Variants in GGNBP2 observed in about 807,000 individuals in gnomAD.
GGNBP2 encodes the protein gametogenetin-binding protein 2.
GGNBP2 carries 10 observed loss-of-function variants against 85.9 expected under a neutral mutation model. The ratio of observed to expected loss-of-function variants is 0.12; its 90% CI spans 0.07 to 0.20. The LOEUF is 0.20. Among genes scored for constraint, GGNBP2 ranks in the 10% least tolerant of loss-of-function variants. The probability of loss-of-function intolerance (pLI) is 1.00; values close to 1 mark genes in which losing one functional copy is unlikely to be tolerated. For synonymous variants in GGNBP2, 287 were observed against 285.7 expected, an observed-to-expected ratio of 1.00 and a Z score of -0.05; for missense variants, 595 against 857.8, an observed-to-expected ratio of 0.69 and a Z score of 3.83.
chr17:36,553,983 A>G (rs1189294056), intron 2 of GGNBP2, among the ~76,000 whole-genome samples: 9 of 152,158 alleles, frequency 5.9e-5, no homozygotes, highest in Admixed American at 1.3e-4. Flanking sequence ...AAGTATATCA[A>G]TGTGCCCTTT....
chr17:36,549,005 A>G (rs1057460478), intron 2 of GGNBP2, among the ~76,000 whole-genome samples: 3 of 152,154 alleles, frequency 2.0e-5, no homozygotes, highest in Non-Finnish European at 2.9e-5. Context: ...GAAGATTCCC[A>G]TGGTAGTTCA....
chr17:36,581,649 G>T lies in GGNBP2; in HGVS notation c.1215+111G>T, dbSNP rs78154293. On this transcript the variant is annotated intron_variant, in intron 9 of 13. Coordinates refer to ENST00000613102, the MANE Select transcript of GGNBP2 (RefSeq NM_024835.5). ...GATCCCAGCACTTTGGGAGGCCCAG[G>T]GTGGAGGTATCACTTGAGCCTAGGA... The T allele has an allele frequency of 1.2e-3, 838 of 677,948 alleles. 10 individuals carry two copies. In the African/African-American group the frequency reaches 0.014, roughly 11 times the overall value. 42.0% of individuals were successfully genotyped at this position (677,948 alleles called of 1,614,324 possible).
intron 6 of GGNBP2, among the ~76,000 whole-genome samples, chr17:36,575,648 A>ATATATATATATATATATT (rs374366757): frequency 3.6e-5 from 2 of 54,910 alleles, no homozygotes; most frequent in Non-Finnish European, 2.9e-5. Flanking sequence ...ATATATATAT[A>ATATATATATATATATATT]TTTTTTTTTT....
At chr17:36,573,371 C>G (rs2074545753) in intron 6 of GGNBP2, among the ~76,000 whole-genome samples, 1 of 152,102 alleles carries the variant, frequency 6.6e-6, no homozygotes, top group African/African-American at 2.4e-5. Flanking sequence ...CCTCGGTCTC[C>G]CAAAGTGCTG....
At chr17:36,552,613 T>G (rs1196262727) in intron 2 of GGNBP2, among the ~76,000 whole-genome samples, 3 of 152,200 alleles carry the variant, frequency 2.0e-5, no homozygotes, top group African/African-American at 7.2e-5. Context: ...TTAATAAGAC[T>G]GAGAAGGAAA....
chr17:36,586,938 AG>A, intron 12 of GGNBP2, 58 bp from the exon 13 acceptor site: 1 of 1,430,820 alleles, frequency 7.0e-7, no homozygotes, highest in Non-Finnish European at 9.4e-7. Flanking sequence ...TTTTTTTTAA[AG>A]AATAATTGCT....
At position 36,545,373 on chromosome 17, in the gene GGNBP2, G is replaced by T. The variant is rs1394379818; in HGVS notation, c.-106-246G>T. ...AGCCCCCGGCAGGCCGGTCCCTTCC[G>T]CCTCTCCTTTGGACCCTGACTGGAG... On this transcript the variant is annotated intron_variant, in intron 1 of 13. Transcript: ENST00000613102. 2.1e-5 allele frequency: 5 copies of T among 235,124 alleles called. No homozygotes were observed. In the Admixed American group the frequency reaches 3.9e-4, roughly 18 times the overall value. The allele number at this position is 235,124 out of a possible 1,614,324, so 14.6% of individuals were successfully genotyped here.
At chr17:36,577,265 A>T (rs1448104467) in intron 6 of GGNBP2, 1 of 152,062 alleles carries the variant, frequency 6.6e-6, no homozygotes, top group East Asian at 1.9e-4. Context: ...TCTAAAAGAA[A>T]TTTTCTTCCT....
In GGNBP2 at chr17:36,587,034, A is replaced by G; in HGVS notation, c.1679A>G (p.Asn560Ser). ...KLGSCITDPG[N>S]RETSGNTMHT... is the part of the protein sequence containing the mutation. Reference sequence around the variant, plus strand: ...GGAAGCTGTATTACAGATCCAGGTAATCGAGAGACCTCAGGAAATACCATG... The same window carrying G: ...GGAAGCTGTATTACAGATCCAGGTAGTCGAGAGACCTCAGGAAATACCATG... Residue 560 changes from asparagine (N) to serine (S), a missense_variant, in exon 13 of 14, where the codon AAT becomes AGT. Physicochemically the swap from Asn to Ser is conservative, Grantham distance 46. This residue lies in a region of GGNBP2 where 120 missense variants were observed against 126.3 expected (regional missense o/e 0.95). Transcript: ENST00000613102. The G allele has an allele frequency of 4.3e-6, 7 of 1,613,780 alleles. No individual in the cohort carries two copies. Among genetic ancestry groups the G allele is most frequent in the South Asian group, 3.3e-5 (3 of 91,072 alleles).
intron 5 of GGNBP2, among the ~76,000 whole-genome samples, chr17:36,563,262 G>C (rs1394525757): frequency 6.6e-6 from 1 of 151,884 alleles, no homozygotes. Flanking sequence ...GTGAGACTTT[G>C]TCTCGAAATA....
chr17:36,581,573 T>C (rs2074650489), intron 9 of GGNBP2, 35 bp downstream of exon 9: 1 of 1,483,966 alleles, frequency 6.7e-7, no homozygotes, highest in Non-Finnish European at 9.3e-7. Context: ...TAAGTGTGTA[T>C]GTATTGCTTG....
chr17:36,557,109 T>C lies in GGNBP2; in HGVS notation c.201T>C (p.Asp67=). The C allele has an allele frequency of 6.2e-7, 1 of 1,614,122 alleles. No individual in the cohort carries two copies. ...IQRHGMLKQQ[D]LSIAMVVTSR... ...GACATGGTATGCTTAAGCAACAGGATCTAAGTATTGCCATGGTGGTGACAT... is the reference window on the plus strand; with the variant it reads ...GACATGGTATGCTTAAGCAACAGGACCTAAGTATTGCCATGGTGGTGACAT... The change falls in exon 4 of 14, where the codon GAT becomes GAC. Residue 67 remains aspartate, a synonymous_variant. Transcript: ENST00000613102.
chr17:36,565,967 C>T (rs2074464353), intron 5 of GGNBP2, among the ~76,000 whole-genome samples: 1 of 152,138 alleles, frequency 6.6e-6, no homozygotes, highest in Admixed American at 6.6e-5. Flanking sequence ...TTTTTGTTGT[C>T]ACAAATAAGG....
intron 4 of GGNBP2, among the ~76,000 whole-genome samples, chr17:36,559,691 G>T (rs999112339): frequency 6.6e-6 from 1 of 152,156 alleles, no homozygotes; most frequent in African/African-American, 2.4e-5. Context: ...AGGGCAGAAG[G>T]TGCAGCAAGG....
At chr17:36,556,779 T>C (rs991749185) in intron 3 of GGNBP2, among the ~76,000 whole-genome samples, 1 of 139,284 alleles carries the variant, frequency 7.2e-6, no homozygotes, top group African/African-American at 3.0e-5. Flanking sequence ...TTTTTTTTTT[T>C]TGTGAGAGGA....
Position 36,562,095 on chromosome 17 carries a change from G to C in GGNBP2, c.527+1224G>C, listed in dbSNP as rs147440815. Among the ~76,000 whole-genome samples the C allele has an allele frequency of 2.5e-3, 374 of 152,094 alleles. 2 individuals are homozygous for C. The highest frequency in any genetic ancestry group is 4.6e-3 in the Non-Finnish European group (312 of 67,992). On this transcript the variant is annotated intron_variant, in intron 5 of 13. Transcript: ENST00000613102. ...TGAGGCGAAGCCATGGAGTGTGAAG[G>C]GACTTTCTAAGACGTGACTTTAGTT...
intron 7 of GGNBP2, 172 bp from the exon 8 acceptor site, chr17:36,579,073 C>A: frequency 1.7e-6 from 1 of 575,286 alleles, no homozygotes. Context: ...GTGTATTTCT[C>A]ATTGGTTGTG....
intron 13 of GGNBP2, 28 bp downstream of exon 13, chr17:36,587,273 C>A: frequency 6.2e-7 from 1 of 1,609,132 alleles, no homozygotes. Flanking sequence ...TCTTACTGTA[C>A]ATAACTGTTT....
intron 6 of GGNBP2, among the ~76,000 whole-genome samples, chr17:36,569,908 A>T (rs1297599530): frequency 1.3e-5 from 2 of 152,224 alleles, no homozygotes; most frequent in Non-Finnish European, 2.9e-5. Flanking sequence ...TAACATTTTT[A>T]GATGGATTTT....
Sources: allele counts gnomAD v4.1 joint callset (sites outside exome capture counted in the v4.1 genomes callset), GRCh38; gene constraint gnomAD v4.1.1; regional missense constraint gnomAD v4.1.1; transcripts MANE v1.5; gene names NCBI Gene and HGNC (gene_info 2026-07-23, HGNC 2026-07-21).